Variants in EML6 observed in about 807,000 individuals in gnomAD.
The protein encoded by EML6 is EMAP like 6.
EML6 carries 154 observed loss-of-function variants against 240.1 expected under a neutral mutation model. The observed-to-expected ratio is 0.64, with a 90% confidence interval of 0.56 to 0.73. The LOEUF (loss-of-function observed/expected upper bound fraction) is 0.73. EML6 is among the 30% of genes least tolerant of loss of function. The pLI is 0.00. For synonymous variants in EML6, 1,148 were observed against 899.0 expected (o/e 1.28, Z -4.95); for missense variants, 2,964 against 2,474.6 (o/e 1.20, Z -4.20).
At chr2:54,766,271 T>A (rs931095718) in intron 2 of EML6, among the ~76,000 whole-genome samples, 3 of 152,218 alleles carry the variant, frequency 2.0e-5, no homozygotes, top group African/African-American at 7.2e-5. Context: ...GTCCCAATAA[T>A]GTCCTTCAGA....
At chr2:54,814,010 T>C (rs769648794) in intron 3 of EML6, among the ~76,000 whole-genome samples, 2 of 152,240 alleles carry the variant, frequency 1.3e-5, no homozygotes, top group Non-Finnish European at 2.9e-5. Flanking sequence ...TTGAATCTCT[T>C]AGTCTCCTCA....
At chr2:54,726,855 C>A (rs186420076) in intron 2 of EML6, among the ~76,000 whole-genome samples, 1 of 152,220 alleles carries the variant, frequency 6.6e-6, no homozygotes, top group East Asian at 1.9e-4. Context: ...AAGATGTAGT[C>A]CTTTGGGTGA....
chr2:54,895,205 A>T (rs766370814), intron 20 of EML6, 68 bp from the exon 21 acceptor site: 8 of 1,514,322 alleles, frequency 5.3e-6, no homozygotes, highest in Non-Finnish European at 7.2e-6. Context: ...TGGAGCTATA[A>T]AAATTGAATT....
At chr2:54,771,977 C>T (rs765717586) in intron 2 of EML6, among the ~76,000 whole-genome samples, 1 of 152,206 alleles carries the variant, frequency 6.6e-6, no homozygotes, top group Non-Finnish European at 1.5e-5. Flanking sequence ...AACTGACAGT[C>T]TCTCATTAAA....
In EML6 at chr2:54,771,023, G is replaced by C. The variant is rs562736894; in HGVS notation, c.198-42209G>C. Among the ~76,000 whole-genome samples the C allele has an allele frequency of 1.1e-3, 167 of 152,254 alleles. No homozygotes were observed. In the Middle Eastern group the frequency reaches 0.014, roughly 12 times the overall value. On this transcript the variant is annotated intron_variant, in intron 2 of 41. Transcript: ENST00000356458. ...GGGGAAGTGGAAGGTCAAAGGCTCT[G>C]TTTTGGGTTTAAGATGTCTGTTACA...
chr2:54,823,063 A>AC (rs1235492192), intron 5 of EML6, among the ~76,000 whole-genome samples: 3 of 152,146 alleles, frequency 2.0e-5, no homozygotes, highest in African/African-American at 7.2e-5. Flanking sequence ...AAGACCAAAA[A>AC]CTCATTCAGT....
chr2:54,883,955 C>T (rs539140584), intron 17 of EML6, among the ~76,000 whole-genome samples: 6 of 152,300 alleles, frequency 3.9e-5, no homozygotes, highest in African/African-American at 1.4e-4. Flanking sequence ...ACTCAAAGTG[C>T]TTTTTCCGTT....
At position 54,853,723 on chromosome 2, in the gene EML6, A is replaced by G. The variant is rs1459151089; in HGVS notation, c.1525A>G (p.Ser509Gly). The G allele has an allele frequency of 6.4e-7, 1 of 1,551,632 alleles. No homozygotes were observed. The highest frequency in any genetic ancestry group is 1.4e-5 in the African/African-American group (1 of 73,176). The change falls in exon 11 of 42, where the codon AGT becomes GGT. Residue 509 changes from serine to glycine, a missense_variant. By Grantham distance (56) the Ser-to-Gly change is moderately conservative (BLOSUM62 0). Transcript: ENST00000356458. ...SWTCVKGPEVSGIWPKYTEVT... is the reference protein window; with the variant it reads ...SWTCVKGPEVGGIWPKYTEVT... The stretch of plus-strand genomic sequence containing the variant: ...GACATGCGTGAAAGGCCCTGAAGTG[A>G]GTGGAATTTGGCCCAAATACACTGA...
rs567726194 is a variant in EML6, at chr2:54,944,275, T to C, written c.4005-4607T>C. 1.1e-3 allele frequency among the ~76,000 whole-genome samples: 166 copies of C among 152,280 alleles called. 1 individual carries two copies. Among genetic ancestry groups the C allele is most frequent in the Middle Eastern group, 6.8e-3 (2 of 294 alleles). ...AAATTGAACTCATCATCTTCCCTCA[T>C]TGATATTTTCTCTCTGTCTCATTCC... On this transcript the variant is annotated intron_variant, in intron 28 of 41. Transcript: ENST00000356458.
chr2:54,964,642 A>C lies in EML6; in HGVS notation c.5402A>C (p.Gln1801Pro). ...EHTVDFYDLT[Q>P]GTNLNRIGYC... is the part of the protein sequence containing the mutation. The stretch of plus-strand genomic sequence containing the variant: ...ACAGTTGACTTCTATGACCTCACTC[A>C]GGGCACAAATCTGAACCGCATTGGC... Residue 1801 changes from glutamine to proline, a missense_variant, in exon 38 of 42, where the codon CAG (glutamine) becomes CCG (proline). Physicochemically the swap from Gln to Pro is moderately conservative, Grantham distance 76. Transcript: ENST00000356458. 6.4e-7 allele frequency: 1 copy of C among 1,552,392 alleles called. No individual in the cohort carries two copies. The highest frequency in any genetic ancestry group is 8.7e-7 in the Non-Finnish European group (1 of 1,147,124).
At chr2:54,942,530 G>T (rs749056579) in intron 28 of EML6, among the ~76,000 whole-genome samples, 3 of 152,148 alleles carry the variant, frequency 2.0e-5, no homozygotes, top group Non-Finnish European at 4.4e-5. Context: ...GCATTTGCAG[G>T]AGTGGAAGGT....
At chr2:54,793,372 A>C (rs936051904) in intron 2 of EML6, among the ~76,000 whole-genome samples, 2 of 135,956 alleles carry the variant, frequency 1.5e-5, no homozygotes, top group Non-Finnish European at 3.1e-5. Context: ...TAAGGTAAAT[A>C]TGTATGAGTA....
chr2:54,862,045 C>G lies in EML6; in HGVS notation c.1826-1738C>G, dbSNP rs577545314. ...TTTTGGTACTTTTGAAATACTTTCT[C>G]TGAGGATTGGCTGAGCACGTTGACT... On this transcript the variant is annotated intron_variant, in intron 12 of 41. Transcript: ENST00000356458. 3.9e-5 allele frequency among the ~76,000 whole-genome samples: 6 copies of G among 152,054 alleles called. No individual in the cohort carries two copies. The East Asian group carries it at 1.2e-3, about 29-fold the overall frequency.
rs114913469 is a variant in EML6, at chr2:54,746,418, G to T, written c.197+21160G>T. On this transcript the variant is annotated intron_variant, in intron 2 of 41. Transcript: ENST00000356458. The stretch of plus-strand genomic sequence containing the variant: ...GAAAATCTATTTATTGTTTTCCTTG[G>T]GTACAGGCTTGTGATTTCGTTTGTT... 2.6e-5 allele frequency among the ~76,000 whole-genome samples: 4 copies of T among 151,960 alleles called. No homozygotes were observed. The East Asian group carries it at 7.7e-4, about 29-fold the overall frequency.
intron 2 of EML6, among the ~76,000 whole-genome samples, chr2:54,810,568 G>A (rs1243402206): frequency 6.6e-6 from 1 of 152,182 alleles, no homozygotes; most frequent in African/African-American, 2.4e-5. Flanking sequence ...CAGCAAAATA[G>A]TATAATTTAT....
At chr2:54,826,161 T>C (rs1668580797) in intron 5 of EML6, among the ~76,000 whole-genome samples, 1 of 152,168 alleles carries the variant, frequency 6.6e-6, no homozygotes, top group South Asian at 2.1e-4. Context: ...TGAACCCTTA[T>C]CTTCAGTGAG....
intron 26 of EML6, among the ~76,000 whole-genome samples, chr2:54,922,398 G>A (rs1472485789): frequency 1.3e-5 from 2 of 152,172 alleles, no homozygotes; most frequent in Non-Finnish European, 2.9e-5. Context: ...ACAAGTGTTG[G>A]TGAGGGTGTA....
intron 13 of EML6, among the ~76,000 whole-genome samples, chr2:54,865,348 T>G (rs1670916865): frequency 6.7e-6 from 1 of 148,900 alleles, no homozygotes; most frequent in African/African-American, 2.5e-5. Context: ...TGCTGGGCAT[T>G]TGCCTGTAGT....
At chr2:54,951,776 T>A (rs1025571401) in intron 30 of EML6, among the ~76,000 whole-genome samples, 1 of 152,156 alleles carries the variant, frequency 6.6e-6, no homozygotes, top group Non-Finnish European at 1.5e-5. Context: ...TACATAGATT[T>A]AAACAGTGAA....
Sources: gnomAD v4.1 joint callset for allele counts (sites outside exome capture counted in the v4.1 genomes callset) on GRCh38, gnomAD v4.1.1 for gene constraint, MANE v1.5 for transcripts, NCBI Gene and HGNC (gene_info 2026-07-23, HGNC 2026-07-21) for gene names.